The following BYSL variants were observed in gnomAD, a reference collection of about 807,000 sequenced individuals.
BYSL encodes bystin like, also known as bystin.
BYSL carries 21 observed loss-of-function variants against 45.4 expected under a neutral mutation model. That is an observed-to-expected ratio of 0.46 (90% CI 0.33 to 0.67). The LOEUF (loss-of-function observed/expected upper bound fraction) is 0.67, where lower values mean the gene tolerates loss of function less well. Among genes scored for constraint, BYSL ranks in the 30% least tolerant of loss-of-function variants. The probability of loss-of-function intolerance (pLI) is 0.02; values close to 1 mark genes in which losing one functional copy is unlikely to be tolerated. For missense variants in BYSL, 522 were observed against 578.5 expected (o/e 0.90, Z 1.00); for synonymous variants, 215 against 231.3 (o/e 0.93, Z 0.64).
At chr6:41,909,879 T>TTATC in the BYSL span, among the ~76,000 whole-genome samples, 1 of 152,216 alleles carries the variant, frequency 6.6e-6, no homozygotes, top group Non-Finnish European at 1.5e-5. Flanking sequence ...CTTTTGTATA[T>TTATC]TATCATATAT....
Position 41,932,913 on chromosome 6 carries a change from T to G in BYSL, c.*207T>G. The G allele has an allele frequency of 1.7e-6, 1 of 594,882 alleles. No homozygotes were observed. The highest frequency in any genetic ancestry group is 2.9e-6 in the Non-Finnish European group (1 of 345,916). The allele number at this position is 594,882 out of a possible 1,614,324, so 36.9% of individuals were successfully genotyped here. A position where few individuals can be genotyped will look rare whatever the true frequency, so the allele number is the denominator to read the frequency against. On this transcript the variant is annotated 3_prime_UTR_variant, in exon 7 of 7. Coordinates refer to ENST00000230340, the MANE Select transcript of BYSL (RefSeq NM_004053.4). The surrounding 1 kb of genome is among the most constrained non-coding windows in gnomAD (Gnocchi z 4.7). ...TTCCATTCTAGGCCCTTATCCCTGT[T>G]TAGTTCTGAGAGCCAACTTGAGATA...
intron 1 of BYSL, among the ~76,000 whole-genome samples, chr6:41,926,032 G>A (rs1775559585): frequency 6.6e-6 from 1 of 152,174 alleles, no homozygotes; most frequent in Non-Finnish European, 1.5e-5. Context: ...GAACTCTACT[G>A]CCTGAATTTA....
In BYSL at chr6:41,927,402, TGACGAG is replaced by T. The variant is rs1775578894; in HGVS notation, c.306_311del (p.Asp102_Glu103del). 6.2e-7 allele frequency: 1 copy of T among 1,614,028 alleles called. No individual in the cohort carries two copies. The highest frequency in any genetic ancestry group is 1.3e-5 in the African/African-American group (1 of 74,914). Reference sequence around the variant, plus strand: ...CAAGAATGCCTCAGGATGGATCAGATGACGAGGACGAGGAGTGGCCCACCCTGGAGA... The same window carrying T: ...CAAGAATGCCTCAGGATGGATCAGATGACGAGGAGTGGCCCACCCTGGAGA... On this transcript the variant is annotated inframe_deletion, in exon 2 of 7. Coordinates refer to ENST00000230340, the MANE Select transcript of BYSL (RefSeq NM_004053.4).
At chr6:41,914,339 G>C in the BYSL span, among the ~76,000 whole-genome samples, 1 of 152,286 alleles carries the variant, frequency 6.6e-6, no homozygotes, top group East Asian at 1.9e-4. Context: ...ATCTTCTCTG[G>C]TGCCTCTCAA....
intron 2 of BYSL, 36 bp from the exon 3 acceptor site, chr6:41,930,096 C>G: frequency 6.2e-7 from 1 of 1,612,682 alleles, no homozygotes; most frequent in Non-Finnish European, 8.5e-7. Context: ...GCTCCTTGCC[C>G]CCTCTCTCCC....
intron 1 of BYSL, among the ~76,000 whole-genome samples, chr6:41,925,749 C>T (rs886628877): frequency 3.3e-5 from 5 of 151,470 alleles, no homozygotes; most frequent in Admixed American, 6.6e-5. Flanking sequence ...GGCGCGATCT[C>T]GGCTCACCTC....
intron 4 of BYSL, among the ~76,000 whole-genome samples, chr6:41,930,989 A>G (rs1273130759): frequency 6.6e-6 from 1 of 151,900 alleles, no homozygotes; most frequent in Non-Finnish European, 1.5e-5. Flanking sequence ...TTTCTAGGGG[A>G]GAGGCTTTTA....
chr6:41,912,739 C>A, the BYSL span, among the ~76,000 whole-genome samples: 2 of 152,150 alleles, frequency 1.3e-5, no homozygotes, highest in African/African-American at 4.8e-5. Flanking sequence ...TTACTATCCC[C>A]TTTCTAAAGA....
the BYSL span, among the ~76,000 whole-genome samples, chr6:41,915,840 G>A: frequency 7.4e-6 from 1 of 135,902 alleles, no homozygotes; most frequent in South Asian, 2.3e-4. Flanking sequence ...GGTTGTAATG[G>A]ATATGTTTAG....
intron 1 of BYSL, among the ~76,000 whole-genome samples, chr6:41,923,807 C>T (rs986268871): frequency 2.0e-4 from 31 of 152,188 alleles, no homozygotes; most frequent in Non-Finnish European, 3.8e-4. Context: ...TATGATCTGC[C>T]TCCTTTGCCA....
intron 1 of BYSL, among the ~76,000 whole-genome samples, chr6:41,925,364 A>ATTT (rs778564177): frequency 7.1e-6 from 1 of 141,230 alleles, no homozygotes. Flanking sequence ...GACTAACTTC[A>ATTT]TTTTTTTTTT....
At chr6:41,921,485 G>A (rs10947995), upstream of BYSL, 261,995 of 1,480,914 alleles carry the variant, frequency 0.18, 24,533 homozygotes, top group East Asian at 0.29. Context: ...TTGGGCGCTG[G>A]GAGTCCACCG....
chr6:41,925,047 A>C (rs1219364317), intron 1 of BYSL, among the ~76,000 whole-genome samples: 3 of 152,028 alleles, frequency 2.0e-5, no homozygotes, highest in Non-Finnish European at 4.4e-5. Context: ...CTAGGAGGGA[A>C]AGAAAATTAG....
At chr6:41,917,634 C>T (rs972255419), upstream of BYSL, 2 of 396,900 alleles carry the variant, frequency 5.0e-6, no homozygotes, top group Non-Finnish European at 1.1e-5. Flanking sequence ...CTTCCTATCA[C>T]AGGGCGTTCT....
intron 5 of BYSL, 67 bp from the exon 6 acceptor site, chr6:41,931,661 A>G (rs760921291): frequency 6.2e-7 from 1 of 1,606,078 alleles, no homozygotes; most frequent in African/African-American, 1.3e-5. Context: ...CTGGGTGGGA[A>G]TGCTTCCTGC....
At chr6:41,924,589 T>C (rs1414640074) in intron 1 of BYSL, among the ~76,000 whole-genome samples, 2 of 152,240 alleles carry the variant, frequency 1.3e-5, no homozygotes, top group African/African-American at 4.8e-5. Context: ...GCTTGGTGTT[T>C]GCTGAATGAC....
chr6:41,931,942 G>T (rs957285250), intron 6 of BYSL, 112 bp downstream of exon 6: 4 of 1,103,334 alleles, frequency 3.6e-6, no homozygotes, highest in Non-Finnish European at 5.5e-6. Flanking sequence ...CCTTGGGTTT[G>T]TGCTTGTTTA....
chr6:41,925,755 A>G (rs1775555657), intron 1 of BYSL, among the ~76,000 whole-genome samples: 1 of 148,726 alleles, frequency 6.7e-6, no homozygotes, highest in South Asian at 2.2e-4. Context: ...ATCTCGGCTC[A>G]CCTCACCTCA....
At chr6:41,923,759 C>T (rs1428834377) in intron 1 of BYSL, among the ~76,000 whole-genome samples, 3 of 152,094 alleles carry the variant, frequency 2.0e-5, no homozygotes, top group Admixed American at 6.5e-5. Flanking sequence ...CTACAAAGTA[C>T]TCACAGGTGG....
Sources: allele counts gnomAD v4.1 joint callset (sites outside exome capture counted in the v4.1 genomes callset), GRCh38; gene constraint gnomAD v4.1.1; non-coding constraint Gnocchi (gnomAD v3.1); transcripts MANE v1.5; gene names NCBI Gene and HGNC (gene_info 2026-07-23, HGNC 2026-07-21).